Variants in ZNF680 observed in about 807,000 individuals in gnomAD.
ZNF680 encodes the protein zinc finger protein 680, also known as hypothetical protein FLJ90430.
ZNF680 carries 6 observed loss-of-function variants against 12.1 expected under a neutral mutation model. The ratio of observed to expected loss-of-function variants is 0.49; its 90% CI spans 0.27 to 0.98. The LOEUF is 0.98. Ranked by LOEUF, ZNF680 falls within the 50% of genes least tolerant of loss-of-function variation. The probability of loss-of-function intolerance (pLI) is 0.12; values close to 1 mark genes in which losing one functional copy is unlikely to be tolerated. For missense variants in ZNF680, 561 were observed against 616.3 expected (o/e 0.91, Z 0.95); for synonymous variants, 170 against 199.3 (o/e 0.85, Z 1.24).
At chr7:64,559,671 G>A (rs368858485) in intron 1 of ZNF680, among the ~76,000 whole-genome samples, 4 of 151,860 alleles carry the variant, frequency 2.6e-5, no homozygotes, top group South Asian at 2.1e-4. Flanking sequence ...TGGTAGAGAC[G>A]GGGTTTCACC....
At chr7:64,549,665 T>A (rs533226809) in intron 1 of ZNF680, among the ~76,000 whole-genome samples, 1 of 148,176 alleles carries the variant, frequency 6.7e-6, no homozygotes, top group African/African-American at 2.5e-5. Context: ...ACATTCTAAA[T>A]GATATGTCTA....
chr7:64,531,122 C>T (rs1785850964), intron 3 of ZNF680, among the ~76,000 whole-genome samples: 1 of 151,928 alleles, frequency 6.6e-6, no homozygotes, highest in African/African-American at 2.4e-5. Flanking sequence ...TACCTTGAAA[C>T]AAATGGACTT....
At chr7:64,508,120 A>AATATATATATATATAT in the ZNF680 span, among the ~76,000 whole-genome samples, 2 of 69,236 alleles carry the variant, frequency 2.9e-5, no homozygotes, top group Admixed American at 1.5e-4. Context: ...TATATTTTAA[A>AATATATATATATATAT]ATGTATATAT....
At chr7:64,502,039 C>G in the ZNF680 span, among the ~76,000 whole-genome samples, 53 of 123,564 alleles carry the variant, frequency 4.3e-4, no homozygotes, top group Admixed American at 3.0e-3. Context: ...GAGTCTTGCT[C>G]TGTTGCCCAG....
intron 1 of ZNF680, among the ~76,000 whole-genome samples, chr7:64,557,413 C>T (rs1043848559): frequency 6.7e-6 from 1 of 149,048 alleles, no homozygotes; most frequent in Non-Finnish European, 1.5e-5. Flanking sequence ...AAAGTAGCCA[C>T]GTGTGTTGGC....
intron 2 of ZNF680, 172 bp from the exon 3 acceptor site, chr7:64,543,974 T>C (rs1308956325): frequency 4.4e-6 from 3 of 677,752 alleles, no homozygotes; most frequent in Non-Finnish European, 7.0e-6. Flanking sequence ...TTTTTAGGTC[T>C]TTAATTTCAC....
downstream of ZNF680, among the ~76,000 whole-genome samples, chr7:64,515,983 C>T (rs1486313271): frequency 6.6e-6 from 1 of 152,022 alleles, no homozygotes; most frequent in Non-Finnish European, 1.5e-5. Context: ...TCTAATTGGT[C>T]CTGGGCCAAG....
At chr7:64,555,414 A>T (rs1184559796) in intron 1 of ZNF680, among the ~76,000 whole-genome samples, 2 of 152,026 alleles carry the variant, frequency 1.3e-5, no homozygotes, top group Non-Finnish European at 2.9e-5. Context: ...ATGACTTTTG[A>T]GTAAATAATG....
At chr7:64,515,726 G>C (rs1791339616), downstream of ZNF680, among the ~76,000 whole-genome samples, 1 of 152,092 alleles carries the variant, frequency 6.6e-6, no homozygotes, top group Admixed American at 6.5e-5. Flanking sequence ...AACAAGGCCT[G>C]GTATAAAATG....
At chr7:64,514,062 C>T in the ZNF680 span, among the ~76,000 whole-genome samples, 1 of 152,068 alleles carries the variant, frequency 6.6e-6, no homozygotes, top group South Asian at 2.1e-4. Flanking sequence ...TTCAGAATAT[C>T]AAGTGTTTTA....
chr7:64,548,322 A>G (rs1298703080), intron 1 of ZNF680, among the ~76,000 whole-genome samples: 1 of 152,270 alleles, frequency 6.6e-6, no homozygotes, highest in African/African-American at 2.4e-5. Context: ...TCAGGTGATG[A>G]CATCAGAAGT....
chr7:64,554,226 G>C (rs548366570), intron 1 of ZNF680, among the ~76,000 whole-genome samples: 2 of 136,554 alleles, frequency 1.5e-5, no homozygotes, highest in Admixed American at 7.0e-5. Context: ...GAGCGCCTCT[G>C]CCCGGCCGCG....
chr7:64,544,018 G>A, intron 2 of ZNF680: 1 of 592,038 alleles, frequency 1.7e-6, no homozygotes, highest in Non-Finnish European at 2.8e-6. Flanking sequence ...ATTGGTGGGG[G>A]CAATTAAATT....
the ZNF680 span, among the ~76,000 whole-genome samples, chr7:64,507,824 AACACACACACACACACACAC>A: frequency 0.17 from 22,698 of 136,448 alleles, 2,333 homozygotes; most frequent in South Asian, 0.27. Context: ...AATTCCAGGA[AACACACACACACACACACAC>A]ACACACACAC....
chr7:64,544,099 T>C lies in ZNF680; in HGVS notation c.157+207A>G, dbSNP rs1178650327. ...TACCACTAATCTAGAGTGAAGGACA[T>C]AGATCAGCTCAGGAATGTGGAAAGT... On this transcript the variant is annotated intron_variant, in intron 2 of 3. Transcript: ENST00000309683. 8 of 694,088 alleles carry C rather than the reference T, an allele frequency of 1.2e-5. No homozygotes were observed. The South Asian group carries it at 1.2e-4, about 10-fold the overall frequency. 43.0% of individuals were successfully genotyped at this position (694,088 alleles called of 1,614,324 possible).
the ZNF680 span, among the ~76,000 whole-genome samples, chr7:64,509,239 T>A: frequency 2.0e-5 from 3 of 152,226 alleles, no homozygotes; most frequent in East Asian, 5.8e-4. Flanking sequence ...AATAGAATTT[T>A]TCTCCATGGG....
chr7:64,508,120 A>AATATATATATATATATATATATATATAT, the ZNF680 span, among the ~76,000 whole-genome samples: 3 of 69,220 alleles, frequency 4.3e-5, no homozygotes, highest in African/African-American at 3.1e-4. Flanking sequence ...TATATTTTAA[A>AATATATATATATATATATATATATATAT]ATGTATATAT....
intron 1 of ZNF680, among the ~76,000 whole-genome samples, chr7:64,557,679 G>A (rs2116560732): frequency 6.6e-6 from 1 of 152,336 alleles, no homozygotes; most frequent in Non-Finnish European, 1.5e-5. Flanking sequence ...CTTGAGGTCA[G>A]GAGTTTGAGA....
chr7:64,526,074 T>C, intron 3 of ZNF680: 1 of 956,760 alleles, frequency 1.0e-6, no homozygotes, highest in Non-Finnish European at 1.2e-6. Context: ...AGGTGGCATA[T>C]CCTAAAATAT....
Sources: allele counts gnomAD v4.1 joint callset (sites outside exome capture counted in the v4.1 genomes callset), GRCh38; gene constraint gnomAD v4.1.1; transcripts MANE v1.5; gene names NCBI Gene and HGNC (gene_info 2026-07-23, HGNC 2026-07-21).